PIK3R6: variants seen among roughly 807,000 people sequenced by gnomAD.
PIK3R6 encodes phosphoinositide 3-kinase regulatory subunit 6.
PIK3R6 carries 91 observed loss-of-function variants against 84.9 expected under a neutral mutation model. The ratio of observed to expected loss-of-function variants is 1.07; its 90% CI spans 0.90 to 1.28. The LOEUF (loss-of-function observed/expected upper bound fraction) is 1.28. Ranked by LOEUF, PIK3R6 falls within the 50% of genes most tolerant of loss-of-function variation. PIK3R6 has a pLI of 0.00. For synonymous variants in PIK3R6, 416 were observed against 411.4 expected, an observed-to-expected ratio of 1.01 and a Z score of -0.13; for missense variants, 996 against 985.1, an observed-to-expected ratio of 1.01 and a Z score of -0.15.
intron 17 of PIK3R6, among the ~76,000 whole-genome samples, chr17:8,819,671 C>CATATATATATATATATAT (rs148918327): frequency 6.0e-5 from 8 of 133,662 alleles, no homozygotes; most frequent in African/African-American, 2.0e-4. Context: ...TTTTTTTGTG[C>CATATATATATATATATAT]ATATATATAT....
chr17:8,829,674 C>T (rs753723787), intron 10 of PIK3R6, 32 bp downstream of exon 10: 2 of 1,537,826 alleles, frequency 1.3e-6, no homozygotes, highest in Admixed American at 3.9e-5. Context: ...AGACATATAC[C>T]ACTGTTTCCA....
Position 8,829,721 on chromosome 17 carries a change from C to G in PIK3R6, c.874G>C (p.Gly292Arg). ...GGGCACGTACAGAGCTGCTCCTCAC[C>G]GGTCCACAAGTGGAAGGTGATGTAG... Reference protein sequence around the residue: ...SPYITFHLWTGEEQLWKELVL... With the variant: ...SPYITFHLWTREEQLWKELVL... Residue 292 changes from glycine to arginine, a missense_variant, in exon 10 of 20, where the codon GGT becomes CGT. Gly to Arg is a moderately radical substitution (Grantham distance 125, BLOSUM62 -2). Transcript: ENST00000619866. 2 of 1,553,054 alleles carry G rather than the reference C, an allele frequency of 1.3e-6. No individual in the cohort carries two copies. Among genetic ancestry groups the G allele is most frequent in the Non-Finnish European group, 1.7e-6 (2 of 1,147,896 alleles).
chr17:8,814,781 G>A (rs1389718950), intron 18 of PIK3R6, among the ~76,000 whole-genome samples: 1 of 148,538 alleles, frequency 6.7e-6, no homozygotes, highest in East Asian at 2.0e-4. Context: ...AAATATCTGA[G>A]AATTGAAAGA....
chr17:8,813,354 C>T (rs195774), intron 18 of PIK3R6, among the ~76,000 whole-genome samples: 26,025 of 151,990 alleles, frequency 0.17, 2,306 homozygotes, highest in Middle Eastern at 0.23. Context: ...TTACTGACAC[C>T]GTTCAAAAAA....
chr17:8,838,494 T>G (rs967676414), intron 4 of PIK3R6, 70 bp downstream of exon 4: 6 of 1,418,384 alleles, frequency 4.2e-6, no homozygotes, highest in Non-Finnish European at 4.9e-6. Context: ...CTGCCAGGAC[T>G]GAGCCCCTGC....
intron 9 of PIK3R6, among the ~76,000 whole-genome samples, chr17:8,831,700 C>T (rs943450311): frequency 5.9e-5 from 9 of 152,186 alleles, no homozygotes; most frequent in South Asian, 2.1e-4. Flanking sequence ...TAACCTCTTC[C>T]GGTGGATTCC....
chr17:8,851,576 G>A (rs1460455077), intron 1 of PIK3R6, among the ~76,000 whole-genome samples: 1 of 152,176 alleles, frequency 6.6e-6, no homozygotes, highest in African/African-American at 2.4e-5. Flanking sequence ...GGAGAAATTG[G>A]ATTTGTTTGG....
rs190428974 is a variant in PIK3R6, at chr17:8,804,376, C to T, written c.1996-223G>A. Among the ~76,000 whole-genome samples, 436 of 152,276 alleles carry T rather than the reference C, an allele frequency of 2.9e-3. 4 individuals are homozygous for T. The highest frequency in any genetic ancestry group is 0.01 in the African/African-American group (420 of 41,562). ...TCTTCCAGTTCTTTTCCCAGCCTGC[C>T]GTCCTTGATTTTGAACACAAACGGG... On this transcript the variant is annotated intron_variant, in intron 18 of 19. Transcript: ENST00000619866.
chr17:8,807,727 T>C (rs1408715158), intron 18 of PIK3R6, among the ~76,000 whole-genome samples: 1 of 152,114 alleles, frequency 6.6e-6, no homozygotes, highest in Non-Finnish European at 1.5e-5. Context: ...TGCCCAAAGC[T>C]GCAGATGGAG....
chr17:8,838,314 G>A, intron 4 of PIK3R6: 2 of 485,196 alleles, frequency 4.1e-6, no homozygotes, highest in Admixed American at 3.5e-5. Context: ...TCTGACAAGT[G>A]ATGCGGGTTT....
chr17:8,831,747 G>A (rs866776524), intron 9 of PIK3R6, among the ~76,000 whole-genome samples: 4 of 152,174 alleles, frequency 2.6e-5, no homozygotes, highest in Middle Eastern at 3.4e-3. Flanking sequence ...ACAGGTGCAC[G>A]ATCAGTGACT....
intron 2 of PIK3R6, among the ~76,000 whole-genome samples, chr17:8,841,701 GA>G (rs59502151): frequency 0.032 from 4,605 of 142,632 alleles, 251 homozygotes; most frequent in African/African-American, 0.11. Flanking sequence ...GTTGACATGG[GA>G]AAAAAAAAAA....
chr17:8,819,953 A>AT (rs1201888897), intron 17 of PIK3R6, among the ~76,000 whole-genome samples: 2 of 117,256 alleles, frequency 1.7e-5, no homozygotes, highest in African/African-American at 8.4e-5. Context: ...ATATATATAT[A>AT]TATTTTTTTT....
intron 2 of PIK3R6, among the ~76,000 whole-genome samples, chr17:8,847,567 G>A (rs903092884): frequency 2.6e-5 from 4 of 152,132 alleles, no homozygotes; most frequent in Admixed American, 6.5e-5. Context: ...TTGGGAGGCC[G>A]AGGCAGGTGT....
intron 17 of PIK3R6, among the ~76,000 whole-genome samples, chr17:8,820,561 G>A (rs1230854706): frequency 6.6e-6 from 1 of 152,206 alleles, no homozygotes; most frequent in South Asian, 2.1e-4. Context: ...TCTAGGTTAA[G>A]AGCTACTGCC....
intron 13 of PIK3R6, among the ~76,000 whole-genome samples, chr17:8,825,204 A>G (rs967409785): frequency 1.1e-4 from 16 of 152,332 alleles, no homozygotes; most frequent in African/African-American, 3.8e-4. Context: ...ACTTGGACAA[A>G]TGAAGAGCTA....
intron 4 of PIK3R6, chr17:8,838,278 A>G (rs778165329): frequency 2.2e-6 from 1 of 452,966 alleles, no homozygotes; most frequent in Non-Finnish European, 4.0e-6. Flanking sequence ...ATAGTCGTAT[A>G]TTTATGTTTA....
Position 8,835,429 on chromosome 17 carries a change from C to A in PIK3R6, c.489G>T (p.Leu163=), listed in dbSNP as rs766271477. The A allele has an allele frequency of 5.1e-5, 81 of 1,586,510 alleles. No individual in the cohort carries two copies. Among genetic ancestry groups the A allele is most frequent in the Admixed American group, 1.2e-4 (7 of 58,240 alleles). Residue 163 remains leucine (L), a synonymous_variant, in exon 8 of 20, where the codon CTG becomes CTT. Coordinates refer to ENST00000619866, the MANE Select transcript of PIK3R6 (RefSeq NM_001010855.4). ...GAGCACTGCACACAGACGCAGACAC[C>A]AGCTCAGGATCCACGAAGAGGAACA... is the stretch of plus-strand genomic sequence containing the variant. The part of the protein sequence containing the change: ...ERVFLFVDPE[L]VSASVCSALL...
intron 8 of PIK3R6, 52 bp from the exon 9 acceptor site, chr17:8,833,097 C>G: frequency 6.7e-7 from 1 of 1,493,490 alleles, no homozygotes; most frequent in Non-Finnish European, 8.9e-7. Flanking sequence ...CCCACGCACC[C>G]CAGCTCCTAA....
Sources: gnomAD v4.1 joint callset for allele counts (sites outside exome capture counted in the v4.1 genomes callset) on GRCh38, gnomAD v4.1.1 for gene constraint, MANE v1.5 for transcripts, NCBI Gene and HGNC (gene_info 2026-07-23, HGNC 2026-07-21) for gene names.